The following SLC24A3 variants were observed in gnomAD, a reference collection of about 807,000 sequenced individuals.
SLC24A3 encodes the protein solute carrier family 24 member 3, also known as sodium/potassium/calcium exchanger 3.
A neutral mutation model predicts 75.8 loss-of-function variants in SLC24A3; 28 were observed. The ratio of observed to expected loss-of-function variants is 0.37; its 90% confidence interval spans 0.27 to 0.51. The LOEUF (loss-of-function observed/expected upper bound fraction) is 0.51. Ranked by LOEUF, SLC24A3 falls within the 20% of genes least tolerant of loss-of-function variation. The pLI, the probability that SLC24A3 is intolerant of heterozygous loss-of-function variation, is 0.94. For missense variants in SLC24A3, 663 were observed against 847.8 expected (o/e 0.78, Z 2.71); for synonymous variants, 372 against 334.1 (o/e 1.11, Z -1.24).
At chr20:19,347,144 T>A (rs553067738) in intron 2 of SLC24A3, among the ~76,000 whole-genome samples, 272 of 152,342 alleles carry the variant, frequency 1.8e-3, no homozygotes, top group Middle Eastern at 0.014. Flanking sequence ...TGATTCCAAC[T>A]ATGTGACATT....
At chr20:19,470,603 C>T (rs138455741) in intron 2 of SLC24A3, among the ~76,000 whole-genome samples, 204 of 152,294 alleles carry the variant, frequency 1.3e-3, no homozygotes, top group African/African-American at 4.5e-3. Context: ...TGTACATACA[C>T]GCACACACAC....
chr20:19,498,642 T>C (rs1199241620), intron 2 of SLC24A3, among the ~76,000 whole-genome samples: 1 of 152,222 alleles, frequency 6.6e-6, no homozygotes, highest in African/African-American at 2.4e-5. Context: ...AATATGGTTA[T>C]AGCTATGGTT....
At chr20:19,620,693 C>T (rs1348931536) in intron 6 of SLC24A3, among the ~76,000 whole-genome samples, 3 of 152,166 alleles carry the variant, frequency 2.0e-5, no homozygotes, top group African/African-American at 4.8e-5. Flanking sequence ...GGATGATTAA[C>T]GCATGTGTTG....
chr20:19,486,704 T>G (rs1988132557), intron 2 of SLC24A3, among the ~76,000 whole-genome samples: 1 of 152,210 alleles, frequency 6.6e-6, no homozygotes, highest in Non-Finnish European at 1.5e-5. Context: ...GTATGTCTCG[T>G]CAACCCAATG....
chr20:19,513,338 C>T (rs1568640063), intron 2 of SLC24A3, among the ~76,000 whole-genome samples: 2 of 152,172 alleles, frequency 1.3e-5, no homozygotes, highest in Non-Finnish European at 2.9e-5. Context: ...AGCATGTTGC[C>T]CCATCTGTCT....
At chr20:19,325,795 T>TATATATATATATAGAG (rs1251419875) in intron 2 of SLC24A3, among the ~76,000 whole-genome samples, 1 of 67,792 alleles carries the variant, frequency 1.5e-5, no homozygotes, top group Non-Finnish European at 2.8e-5. Flanking sequence ...TATATATATA[T>TATATATATATATAGAG]AGAGAGAGAG....
chr20:19,594,846 T>G (rs2031431010), intron 6 of SLC24A3, among the ~76,000 whole-genome samples: 1 of 152,094 alleles, frequency 6.6e-6, no homozygotes, highest in African/African-American at 2.4e-5. Context: ...TTAAAGAAAG[T>G]ACATGAGAGA....
rs2032575571 is a variant in SLC24A3 at position 19,679,121 on chromosome 20, A to T, written c.768-2737A>T. Among the ~76,000 whole-genome samples, 5 of 152,140 alleles carry T rather than the reference A, an allele frequency of 3.3e-5. No individual in the cohort carries two copies. The South Asian group carries it at 1.0e-3, about 32-fold the overall frequency. On this transcript the variant is annotated intron_variant, in intron 9 of 16. Coordinates refer to ENST00000328041, the MANE Select transcript of SLC24A3 (RefSeq NM_020689.4). ...AGGGTGGCGGCCGGGCAGAGGCTGCACTCTGGGCACTTTGGGAGGCCAAGG... is the reference window on the plus strand; with the variant it reads ...AGGGTGGCGGCCGGGCAGAGGCTGCTCTCTGGGCACTTTGGGAGGCCAAGG...
chr20:19,363,925 G>A (rs1311293748), intron 2 of SLC24A3, among the ~76,000 whole-genome samples: 1 of 152,074 alleles, frequency 6.6e-6, no homozygotes, highest in Non-Finnish European at 1.5e-5. Context: ...GAGTGTCTGT[G>A]GGGAGACAGA....
intron 6 of SLC24A3, among the ~76,000 whole-genome samples, chr20:19,644,214 A>T (rs1469112236): frequency 6.6e-6 from 1 of 152,094 alleles, no homozygotes; most frequent in African/African-American, 2.4e-5. Flanking sequence ...TCGCGTCCAG[A>T]TCCCACTTCT....
intron 6 of SLC24A3, among the ~76,000 whole-genome samples, chr20:19,604,761 G>A (rs1437937078): frequency 2.6e-5 from 4 of 152,168 alleles, no homozygotes; most frequent in Non-Finnish European, 5.9e-5. Flanking sequence ...TGCAGGCTCT[G>A]AGGAATTTCC....
At chr20:19,344,463 T>C (rs903440494) in intron 2 of SLC24A3, among the ~76,000 whole-genome samples, 1 of 152,072 alleles carries the variant, frequency 6.6e-6, no homozygotes, top group African/African-American at 2.4e-5. Context: ...AATTCAGTAG[T>C]TTATTTAGGA....
At chr20:19,547,359 T>C (rs774742693) in intron 3 of SLC24A3, among the ~76,000 whole-genome samples, 14 of 152,194 alleles carry the variant, frequency 9.2e-5, no homozygotes, top group Non-Finnish European at 1.9e-4. Context: ...ATGCTAATCA[T>C]TGGTGACCTG....
chr20:19,379,052 G>A (rs1986137302), intron 2 of SLC24A3, among the ~76,000 whole-genome samples: 1 of 152,112 alleles, frequency 6.6e-6, no homozygotes, highest in African/African-American at 2.4e-5. Flanking sequence ...GTGAGCAGAT[G>A]AGGAATAATT....
chr20:19,338,192 C>T lies in SLC24A3; in HGVS notation c.271+57105C>T, dbSNP rs533819937. ...TAAAGCTTTTCATTAGGAAGTTTCG[C>T]ATGGCAAAGTCAAGCTCTCCCCTGC... On this transcript the variant is annotated intron_variant, in intron 2 of 16. Transcript: ENST00000328041. Among the ~76,000 whole-genome samples the T allele has an allele frequency of 5.3e-5, 8 of 152,312 alleles. No homozygotes were observed. In the South Asian group the frequency reaches 1.7e-3, roughly 32 times the overall value.
chr20:19,472,658 T>C (rs1188764050), intron 2 of SLC24A3, among the ~76,000 whole-genome samples: 1 of 152,220 alleles, frequency 6.6e-6, no homozygotes, highest in Non-Finnish European at 1.5e-5. Flanking sequence ...GTCAATCTCC[T>C]GGTTAACTAG....
rs77412366 is a variant in SLC24A3, at chr20:19,662,582, C to G, written c.688-3282C>G. ...AGGGAGGACTGGAACGTGAGCACCA[C>G]TTAGTGGTCATTTGCAGGAACTGCG... On this transcript the variant is annotated intron_variant, in intron 7 of 16. Transcript: ENST00000328041. 4.3e-3 allele frequency among the ~76,000 whole-genome samples: 649 copies of G among 152,350 alleles called. 7 individuals carry two copies. Among genetic ancestry groups the G allele is most frequent in the African/African-American group, 0.015 (610 of 41,588 alleles).
rs372386226 is a variant in SLC24A3 at position 19,630,184 on chromosome 20, CAA to C, written c.613-23876_613-23875del. ...TTCTCATAAGAGATTCCATTTTGAG[CAA>C]AGTTGCCCAGATGGAGATGAGGGAG... On this transcript the variant is annotated intron_variant, in intron 6 of 16. Coordinates refer to ENST00000328041, the MANE Select transcript of SLC24A3 (RefSeq NM_020689.4). Among the ~76,000 whole-genome samples the C allele has an allele frequency of 7.9e-5, 12 of 152,248 alleles. No individual in the cohort carries two copies. In the East Asian group the frequency reaches 2.3e-3, roughly 29 times the overall value.
chr20:19,290,289 G>T (rs2122234552), intron 2 of SLC24A3, among the ~76,000 whole-genome samples: 1 of 152,288 alleles, frequency 6.6e-6, no homozygotes, highest in South Asian at 2.1e-4. Flanking sequence ...CTCTGGGACT[G>T]GGAAGCAGGT....
Sources: allele counts gnomAD v4.1 joint callset (sites outside exome capture counted in the v4.1 genomes callset), GRCh38; gene constraint gnomAD v4.1.1; transcripts MANE v1.5; gene names NCBI Gene and HGNC (gene_info 2026-07-23, HGNC 2026-07-21).